Variants in OLFM4 observed in about 807,000 individuals in gnomAD.
OLFM4 encodes the protein olfactomedin-4.
In OLFM4, 22 loss-of-function variants were observed where a neutral mutation model predicts 25.5. The ratio of observed to expected loss-of-function variants is 0.86; its 90% CI spans 0.62 to 1.23. OLFM4 has a LOEUF of 1.23. OLFM4 is among the 50% of genes most tolerant of loss of function. The pLI, the probability that OLFM4 is intolerant of heterozygous loss-of-function variation, is 0.00. For synonymous variants in OLFM4, 255 were observed against 237.7 expected (o/e 1.07, Z -0.67); for missense variants, 594 against 619.4 (o/e 0.96, Z 0.44).
At chr13:53,036,616 T>G (rs577404921) in intron 2 of OLFM4, among the ~76,000 whole-genome samples, 1 of 152,286 alleles carries the variant, frequency 6.6e-6, no homozygotes, top group South Asian at 2.1e-4. Context: ...GTGGCTGCTC[T>G]GATCCCAAAA....
intron 1 of OLFM4, among the ~76,000 whole-genome samples, chr13:53,029,631 G>A (rs995747473): frequency 6.6e-6 from 1 of 152,276 alleles, no homozygotes; most frequent in Middle Eastern, 3.4e-3. Flanking sequence ...AATAAGGGGG[G>A]AGTTACTGGT....
At chr13:53,030,618 C>A (rs1042150578) in intron 1 of OLFM4, among the ~76,000 whole-genome samples, 56 of 152,178 alleles carry the variant, frequency 3.7e-4, no homozygotes, top group Non-Finnish European at 7.8e-4. Flanking sequence ...TCTTATTTAA[C>A]CCTAAGAGGT....
intron 4 of OLFM4, among the ~76,000 whole-genome samples, chr13:53,043,516 G>A (rs1475480951): frequency 6.6e-6 from 1 of 152,050 alleles, no homozygotes; most frequent in Admixed American, 6.6e-5. Context: ...AAATCCACGA[G>A]TTACACGTAT....
chr13:53,050,996 G>A lies in OLFM4; in HGVS notation c.*225G>A. The A allele has an allele frequency of 4.0e-6, 2 of 500,340 alleles. No individual in the cohort carries two copies. Among genetic ancestry groups the A allele is most frequent in the Admixed American group, 3.8e-5 (1 of 26,594 alleles). 31.0% of individuals were successfully genotyped at this position (500,340 alleles called of 1,614,324 possible). A position where few individuals can be genotyped will look rare whatever the true frequency, so the allele number is the denominator to read the frequency against. ...CATTTTGCAATAAAGTCTGTCTAGG[G>A]TGGGATTGTCAGAGGTCTAGGGGCA... is the stretch of plus-strand genomic sequence containing the variant. On this transcript the variant is annotated 3_prime_UTR_variant, in exon 5 of 5. Coordinates refer to ENST00000219022, the MANE Select transcript of OLFM4 (RefSeq NM_006418.5).
chr13:53,052,017 C>T lies in OLFM4; in HGVS notation c.*1246C>T, dbSNP rs1349478287. 1 of 152,068 alleles carries T rather than the reference C, an allele frequency of 6.6e-6. No individual in the cohort carries two copies. The highest frequency in any genetic ancestry group is 2.4e-5 in the African/African-American group (1 of 41,388). The allele number at this position is 152,068 out of a possible 1,614,324, so 9.4% of individuals were successfully genotyped here. A position where few individuals can be genotyped will look rare whatever the true frequency, so the allele number is the denominator to read the frequency against. ...GGATTGGCAGTTTAAATGCTTTACT[C>T]CCCCTTTTAAAATAAATGATTAAAA... On this transcript the variant is annotated 3_prime_UTR_variant, in exon 5 of 5. Transcript: ENST00000219022.
At chr13:53,049,130 T>C (rs1954730858) in intron 4 of OLFM4, among the ~76,000 whole-genome samples, 1 of 152,110 alleles carries the variant, frequency 6.6e-6, no homozygotes, top group Non-Finnish European at 1.5e-5. Flanking sequence ...AGTGTCTGGA[T>C]GGAAAGATGA....
chr13:53,038,509 C>A (rs1337090814), intron 2 of OLFM4, among the ~76,000 whole-genome samples: 3 of 152,178 alleles, frequency 2.0e-5, no homozygotes, highest in African/African-American at 7.2e-5. Flanking sequence ...AATTATAATA[C>A]AATGGTAAGT....
At chr13:53,036,494 A>T (rs1954659406) in intron 2 of OLFM4, among the ~76,000 whole-genome samples, 1 of 152,142 alleles carries the variant, frequency 6.6e-6, no homozygotes, top group Non-Finnish European at 1.5e-5. Context: ...GTTTGTGAAT[A>T]TGGGACATTT....
rs199830528 is a variant in OLFM4 at position 53,041,887 on chromosome 13, T to C, written c.358-23T>C. The C allele has an allele frequency of 7.0e-5, 112 of 1,590,790 alleles. 1 individual carries two copies. In the East Asian group the frequency reaches 2.3e-3, roughly 32 times the overall value. ...TGTGATACTACTCAGGGAATTGGCT[T>C]GAACCTTTTGATTTTCTTTCAGGTG... On this transcript the variant is annotated intron_variant, in intron 2 of 4. Transcript: ENST00000219022.
Position 53,051,284 on chromosome 13 carries a change from T to C in OLFM4, c.*513T>C, listed in dbSNP as rs1182067653. ...TTCCCCTCACTAGCACCTGGAATGA[T>C]GCTTTGTATGTGGCAGATAAGTAAA... On this transcript the variant is annotated 3_prime_UTR_variant, in exon 5 of 5. Transcript: ENST00000219022. 6.5e-6 allele frequency: 1 copy of C among 152,718 alleles called. No homozygotes were observed. The highest frequency in any genetic ancestry group is 1.5e-5 in the Non-Finnish European group (1 of 68,456). 9.5% of individuals were successfully genotyped at this position (152,718 alleles called of 1,614,324 possible). A position where few individuals can be genotyped will look rare whatever the true frequency, so the allele number is the denominator to read the frequency against.
intron 4 of OLFM4, among the ~76,000 whole-genome samples, chr13:53,045,212 G>C (rs1566319609): frequency 6.6e-6 from 1 of 152,064 alleles, no homozygotes; most frequent in Non-Finnish European, 1.5e-5. Flanking sequence ...GAGCCTGTTG[G>C]GTTGTTTTTG....
chr13:53,028,989 G>C lies in OLFM4; in HGVS notation c.153G>C (p.Arg51Ser), dbSNP rs750163309. 6.2e-7 allele frequency: 1 copy of C among 1,614,112 alleles called. No homozygotes were observed. Among genetic ancestry groups the C allele is most frequent in the South Asian group, 1.1e-5 (1 of 91,078 alleles). Residue 51 changes from arginine (R) to serine (S), a missense_variant, in exon 1 of 5, where the codon AGG becomes AGC. Transcript: ENST00000219022. ...GCTCCAGCTTCAGCTCCAGCTCCAG[G>C]TCGGGCTCCAGCTCCAGCCGCAGCT... ...DSSSSFSSSS[R>S]SGSSSSRSLG...
chr13:53,030,994 G>C (rs1954626318), intron 1 of OLFM4, among the ~76,000 whole-genome samples: 1 of 152,146 alleles, frequency 6.6e-6, no homozygotes, highest in South Asian at 2.1e-4. Context: ...TCCATCACCA[G>C]TCAGAAACCA....
At chr13:53,046,282 A>C (rs567745274) in intron 4 of OLFM4, among the ~76,000 whole-genome samples, 1 of 152,248 alleles carries the variant, frequency 6.6e-6, no homozygotes, top group Admixed American at 6.5e-5. Context: ...TATTGGCTTC[A>C]AAAAAATGCT....
intron 2 of OLFM4, among the ~76,000 whole-genome samples, chr13:53,037,277 G>A (rs551347097): frequency 2.0e-5 from 3 of 152,268 alleles, no homozygotes; most frequent in Admixed American, 2.0e-4. Flanking sequence ...ACTTAGGAAA[G>A]GGATGGCACA....
chr13:53,029,405 C>A (rs949927563), intron 1 of OLFM4, among the ~76,000 whole-genome samples: 3 of 152,074 alleles, frequency 2.0e-5, no homozygotes, highest in Admixed American at 2.0e-4. Flanking sequence ...TTTAAAAAAC[C>A]TCTCCCCAGG....
At chr13:53,049,752 G>A (rs906558443) in intron 4 of OLFM4, among the ~76,000 whole-genome samples, 7 of 152,158 alleles carry the variant, frequency 4.6e-5, no homozygotes, top group African/African-American at 1.7e-4. Flanking sequence ...CATGGAAACA[G>A]AATGTAGTTC....
Position 53,034,347 on chromosome 13 carries a change from G to A in OLFM4, c.205-1G>A. The A allele has an allele frequency of 6.2e-7, 1 of 1,606,148 alleles. No individual in the cohort carries two copies. ...GATGTTCAACTTGTTATTATTTGCAGTTGTTTTCCAATTTCACCGGCTCCG... is the reference window on the plus strand; with the variant it reads ...GATGTTCAACTTGTTATTATTTGCAATTGTTTTCCAATTTCACCGGCTCCG... On this transcript the variant is annotated splice_acceptor_variant, in intron 1 of 4. Coordinates refer to ENST00000219022, the MANE Select transcript of OLFM4 (RefSeq NM_006418.5). LOFTEE classifies it high-confidence loss of function.
intron 2 of OLFM4, among the ~76,000 whole-genome samples, chr13:53,037,531 A>T (rs1203292341): frequency 6.6e-6 from 1 of 152,222 alleles, no homozygotes; most frequent in East Asian, 1.9e-4. Flanking sequence ...TCTATAATTC[A>T]TAGGGCCTCC....
Sources: allele counts gnomAD v4.1 joint callset (sites outside exome capture counted in the v4.1 genomes callset), GRCh38; gene constraint gnomAD v4.1.1; transcripts MANE v1.5; gene names NCBI Gene and HGNC (gene_info 2026-07-23, HGNC 2026-07-21).